The following FKBP5 variants were observed in gnomAD, a reference collection of about 807,000 sequenced individuals.
FKBP5 encodes peptidyl-prolyl cis-trans isomerase FKBP5.
A neutral mutation model predicts 50.5 loss-of-function variants in FKBP5; 23 were observed. The ratio of observed to expected loss-of-function variants is 0.46; its 90% CI spans 0.33 to 0.65. The LOEUF (loss-of-function observed/expected upper bound fraction) is 0.65. Ranked by LOEUF, FKBP5 falls within the 30% of genes least tolerant of loss-of-function variation. FKBP5 has a pLI of 0.02. For missense variants in FKBP5, 411 were observed against 553.1 expected (o/e 0.74, Z 2.58); for synonymous variants, 176 against 190.6 (o/e 0.92, Z 0.63).
At chr6:35,630,943 TA>T (rs1469258210) in intron 3 of FKBP5, among the ~76,000 whole-genome samples, 1 of 152,182 alleles carries the variant, frequency 6.6e-6, no homozygotes, top group African/African-American at 2.4e-5. Context: ...CTTGTCCTTT[TA>T]AGTACAACTC....
In FKBP5 at chr6:35,642,730, C is replaced by T; in HGVS notation, c.95G>A (p.Gly32Glu). The T allele has an allele frequency of 5.6e-6, 9 of 1,613,614 alleles. No homozygotes were observed. The highest frequency in any genetic ancestry group is 7.6e-6 in the Non-Finnish European group (9 of 1,179,666). ...GCTTTGTGGCCTCACCTTTAATACTCCCCTGTCTTTTTTGGAGGTAATATC... is the reference window on the plus strand; with the variant it reads ...GCTTTGTGGCCTCACCTTTAATACTTCCCTGTCTTTTTTGGAGGTAATATC... ...GEDITSKKDR[G>E]VLKIVKRVGN... Residue 32 changes from glycine to glutamate, a missense_variant, in exon 2 of 11, where the codon GGA becomes GAA. Physicochemically the swap from Gly to Glu is moderately conservative, Grantham distance 98 (BLOSUM62 -2). Coordinates refer to ENST00000357266, the MANE Select transcript of FKBP5 (RefSeq NM_004117.4).
intron 4 of FKBP5, 89 bp downstream of exon 4, chr6:35,620,043 G>A: frequency 6.7e-7 from 1 of 1,488,014 alleles, no homozygotes; most frequent in Non-Finnish European, 9.3e-7. Context: ...TCTATAGCAA[G>A]CTTAGCTCCT....
chr6:35,575,601 C>A lies in FKBP5; in HGVS notation c.*234G>T, dbSNP rs112788083. On this transcript the variant is annotated 3_prime_UTR_variant, in exon 11 of 11. Coordinates refer to ENST00000357266, the MANE Select transcript of FKBP5 (RefSeq NM_004117.4). ...TTAAGCTGCTGGCTCACTCCCTCCA[C>A]ACCACAGTCATTTCTGTTTGTTCCA... 1.6e-5 allele frequency: 8 copies of A among 512,888 alleles called. No individual in the cohort carries two copies. The South Asian group carries it at 1.7e-4, about 11-fold the overall frequency. 31.8% of individuals were successfully genotyped at this position (512,888 alleles called of 1,614,324 possible). A position where few individuals can be genotyped will look rare whatever the true frequency, so the allele number is the denominator to read the frequency against.
intron 2 of FKBP5, among the ~76,000 whole-genome samples, chr6:35,641,251 G>A (rs904237087): frequency 3.9e-5 from 6 of 152,150 alleles, no homozygotes; most frequent in African/African-American, 1.4e-4. Flanking sequence ...CCAGGGTGCT[G>A]GGATTACAGG....
At chr6:35,616,083 C>T (rs529132549) in intron 5 of FKBP5, among the ~76,000 whole-genome samples, 4 of 152,204 alleles carry the variant, frequency 2.6e-5, no homozygotes, top group East Asian at 1.9e-4. Context: ...GAGGCTGAGG[C>T]GGGTGTATCA....
intron 2 of FKBP5, among the ~76,000 whole-genome samples, chr6:35,637,876 G>A (rs1764362593): frequency 1.3e-5 from 2 of 152,144 alleles, no homozygotes; most frequent in African/African-American, 4.8e-5. Flanking sequence ...CTTCAAAGGT[G>A]TAATTTTATT....
At chr6:35,720,814 A>G (rs1019215728) in intron 1 of FKBP5, among the ~76,000 whole-genome samples, 3 of 152,172 alleles carry the variant, frequency 2.0e-5, no homozygotes, top group Admixed American at 2.0e-4. Context: ...AATCACCATT[A>G]ATTTCACAGG....
intron 5 of FKBP5, among the ~76,000 whole-genome samples, chr6:35,604,626 C>A (rs969869368): frequency 6.6e-6 from 1 of 152,006 alleles, no homozygotes; most frequent in African/African-American, 2.4e-5. Flanking sequence ...ATTTTTGGTA[C>A]CTTTTTGATT....
intron 6 of FKBP5, among the ~76,000 whole-genome samples, chr6:35,591,740 C>A (rs192373595): frequency 6.6e-6 from 1 of 152,268 alleles, no homozygotes; most frequent in African/African-American, 2.4e-5. Flanking sequence ...AGGGGAAAGG[C>A]TCACACATCA....
intron 1 of FKBP5, among the ~76,000 whole-genome samples, chr6:35,687,567 C>A: frequency 6.6e-6 from 1 of 152,150 alleles, no homozygotes; most frequent in East Asian, 1.9e-4. Flanking sequence ...TTTAACTTTT[C>A]CCTTGTCCAC....
intron 1 of FKBP5, among the ~76,000 whole-genome samples, chr6:35,675,644 C>T (rs1765507309): frequency 6.6e-6 from 1 of 152,126 alleles, no homozygotes; most frequent in South Asian, 2.1e-4. Context: ...AGCATCAATC[C>T]TAACAATTTA....
intron 1 of FKBP5, among the ~76,000 whole-genome samples, chr6:35,651,373 CT>C (rs1425644757): frequency 1.3e-5 from 2 of 152,102 alleles, no homozygotes; most frequent in Non-Finnish European, 2.9e-5. Context: ...TTTATTCTTT[CT>C]CTTCAATTTA....
intron 1 of FKBP5, among the ~76,000 whole-genome samples, chr6:35,678,475 T>C (rs112370742): frequency 6.6e-6 from 1 of 152,196 alleles, no homozygotes; most frequent in South Asian, 2.1e-4. Context: ...ATTCCTAAGA[T>C]ATTACACTAA....
Position 35,688,834 on chromosome 6 carries a change from ACT to A in FKBP5, c.-52_-51del, listed in dbSNP as rs1313687473. The A allele has an allele frequency of 6.7e-6, 1 of 150,242 alleles. No individual in the cohort carries two copies. 9.3% of individuals were successfully genotyped at this position (150,242 alleles called of 1,614,324 possible). ...GCCGCGGGGGCTCGCCGACTCCGTC[ACT>A]CTCCGCCTTGCCCGTGCTCCGCTAA... On this transcript the variant is annotated 5_prime_UTR_variant, in exon 1 of 11. Transcript: ENST00000357266.
chr6:35,727,212 C>A (rs915103774), intron 1 of FKBP5, among the ~76,000 whole-genome samples: 36 of 152,284 alleles, frequency 2.4e-4, no homozygotes, highest in Non-Finnish European at 8.8e-5. Flanking sequence ...TTAGCAGGAC[C>A]CAATACAGAG....
intron 3 of FKBP5, among the ~76,000 whole-genome samples, chr6:35,628,151 A>G (rs1252553032): frequency 6.6e-6 from 1 of 151,782 alleles, no homozygotes; most frequent in Non-Finnish European, 1.5e-5. Context: ...TTTTGAGTTA[A>G]TTTTTGCAGA....
At chr6:35,590,388 A>C (rs1032267176) in intron 7 of FKBP5, among the ~76,000 whole-genome samples, 1 of 152,160 alleles carries the variant, frequency 6.6e-6, no homozygotes, top group Non-Finnish European at 1.5e-5. Context: ...TGAGCTCCAC[A>C]AAGGGTGGGG....
In FKBP5 at chr6:35,709,012, C is replaced by T. The variant is rs528259289; in HGVS notation, c.-20+11316G>A. ...TAATTTTCTTTCACTAGCAGCCAAA[C>T]CTAATCTTAACTGATAGATATTATA... On this transcript the variant is annotated intron_variant, in intron 2 of 11. Transcript: ENST00000536438. Among the ~76,000 whole-genome samples the T allele has an allele frequency of 7.9e-5, 12 of 152,246 alleles. No individual in the cohort carries two copies. In the South Asian group the frequency reaches 2.5e-3, roughly 32 times the overall value.
intron 1 of FKBP5, among the ~76,000 whole-genome samples, chr6:35,649,746 T>C (rs562462739): frequency 6.6e-6 from 1 of 152,026 alleles, no homozygotes; most frequent in Non-Finnish European, 1.5e-5. Context: ...CAGGCTTAAA[T>C]GCATATAGGG....
Sources: allele counts gnomAD v4.1 joint callset (sites outside exome capture counted in the v4.1 genomes callset), GRCh38; gene constraint gnomAD v4.1.1; transcripts MANE v1.5; gene names NCBI Gene and HGNC (gene_info 2026-07-23, HGNC 2026-07-21).